The following COL4A2 variants were observed in gnomAD, a reference collection of about 807,000 sequenced individuals.
COL4A2 encodes the protein collagen alpha-2(IV) chain.
In COL4A2, 99 loss-of-function variants were observed where a neutral mutation model predicts 200.2. The ratio of observed to expected loss-of-function variants is 0.49; its 90% CI spans 0.42 to 0.58. The LOEUF is 0.58. COL4A2 is among the 20% of genes least tolerant of loss of function. The probability of loss-of-function intolerance (pLI) is 0.00; values close to 1 mark genes in which losing one functional copy is unlikely to be tolerated. For missense variants in COL4A2, 1,950 were observed against 2,314.1 expected (o/e 0.84, Z 3.23); for synonymous variants, 897 against 900.6 (o/e 1.00, Z 0.07).
At chr13:110,424,635 A>T in intron 4 of COL4A2, 99 bp from the exon 5 acceptor site, 1 of 749,048 alleles carries the variant, frequency 1.3e-6, no homozygotes, top group Non-Finnish European at 2.1e-6. Context: ...ATAGCTCTTT[A>T]AAAACAAAAA....
intron 4 of COL4A2, among the ~76,000 whole-genome samples, chr13:110,413,420 T>A (rs1879922226): frequency 6.6e-6 from 1 of 152,210 alleles, no homozygotes; most frequent in African/African-American, 2.4e-5. Context: ...CAGTGTGCCA[T>A]GGGGAAGAAG....
chr13:110,442,567 A>G (rs1193520598), intron 16 of COL4A2, among the ~76,000 whole-genome samples: 1 of 152,238 alleles, frequency 6.6e-6, no homozygotes, highest in Non-Finnish European at 1.5e-5. Flanking sequence ...GAACCAGAAA[A>G]GAAAAGATAT....
chr13:110,343,028 T>C (rs187886792), intron 3 of COL4A2, among the ~76,000 whole-genome samples: 3 of 152,320 alleles, frequency 2.0e-5, no homozygotes, highest in Admixed American at 2.0e-4. Flanking sequence ...TAAAAATGTG[T>C]GCATGCTAAT....
intron 4 of COL4A2, among the ~76,000 whole-genome samples, chr13:110,420,243 C>G (rs141518592): frequency 5.1e-4 from 77 of 152,370 alleles, no homozygotes; most frequent in African/African-American, 1.6e-3. Context: ...GTCCTCTCTC[C>G]TCTCCACTGG....
chr13:110,394,383 C>T (rs962515409), intron 4 of COL4A2, among the ~76,000 whole-genome samples: 1 of 152,152 alleles, frequency 6.6e-6, no homozygotes, highest in Non-Finnish European at 1.5e-5. Flanking sequence ...AGCATTTGAA[C>T]ATGGAGGATA....
chr13:110,356,584 C>T (rs1877276351), intron 3 of COL4A2, among the ~76,000 whole-genome samples: 1 of 152,186 alleles, frequency 6.6e-6, no homozygotes, highest in South Asian at 2.1e-4. Context: ...CCAGCATTTT[C>T]TCCAGGCACA....
chr13:110,447,831 AC>A lies in COL4A2; in HGVS notation c.1078+968del, dbSNP rs146181067. 2.0e-3 allele frequency among the ~76,000 whole-genome samples: 301 copies of A among 152,102 alleles called. 2 individuals carry two copies. The highest frequency in any genetic ancestry group is 7.0e-3 in the African/African-American group (290 of 41,514). On this transcript the variant is annotated intron_variant, in intron 18 of 47. Transcript: ENST00000360467. ...AGACGCTCTGGTGTTTACCTCTTGA[AC>A]TCAGCAGGTCACCTGGTCTCCCTGT...
At chr13:110,462,460 A>T in intron 24 of COL4A2, 76 bp downstream of exon 24, 1 of 1,468,128 alleles carries the variant, frequency 6.8e-7, no homozygotes, top group Non-Finnish European at 9.3e-7. Context: ...CCAGAAGCAA[A>T]CAGTATTGAC....
rs1038527318 is a variant in COL4A2, at chr13:110,508,602, A to G, written c.4881+381A>G. Among the ~76,000 whole-genome samples, 1 of 152,368 alleles carries G rather than the reference A, an allele frequency of 6.6e-6. No individual in the cohort carries two copies. Among genetic ancestry groups the G allele is most frequent in the Admixed American group, 6.5e-5 (1 of 15,302 alleles). On this transcript the variant is annotated intron_variant, in intron 47 of 47. Transcript: ENST00000360467. This position sits in a 1 kb window ranked among gnomAD's most constrained non-coding sequence, Gnocchi z 6.1. ...CTCTAGAATCCTGATCTTATTTAGAATCTATCTGGAACCTAGAATACCCTG... is the reference window on the plus strand; with the variant it reads ...CTCTAGAATCCTGATCTTATTTAGAGTCTATCTGGAACCTAGAATACCCTG...
At chr13:110,435,060 C>T (rs1178749564) in intron 12 of COL4A2, among the ~76,000 whole-genome samples, 3 of 152,226 alleles carry the variant, frequency 2.0e-5, no homozygotes, top group East Asian at 3.8e-4. Flanking sequence ...AGACCTGACC[C>T]TTGGCCTCAT....
intron 46 of COL4A2, 80 bp downstream of exon 46, chr13:110,506,686 C>T (rs1488640603): frequency 7.2e-7 from 1 of 1,381,318 alleles, no homozygotes; most frequent in Admixed American, 2.7e-5. Flanking sequence ...CACAGCGAGA[C>T]TCCCAAACCC....
chr13:110,457,504 T>A, intron 21 of COL4A2, 69 bp downstream of exon 21: 2 of 916,358 alleles, frequency 2.2e-6, no homozygotes, highest in Non-Finnish European at 3.6e-6. Context: ...TTACAGAAGG[T>A]GAAATCCATC....
intron 3 of COL4A2, among the ~76,000 whole-genome samples, chr13:110,311,630 C>A (rs572330461): frequency 6.6e-6 from 1 of 152,288 alleles, no homozygotes; most frequent in African/African-American, 2.4e-5. Flanking sequence ...GGAGGTATCC[C>A]CTGGGCCTGT....
intron 18 of COL4A2, among the ~76,000 whole-genome samples, chr13:110,448,254 C>T (rs1367878880): frequency 3.3e-5 from 5 of 152,152 alleles, no homozygotes; most frequent in Admixed American, 2.0e-4. Context: ...TTAATGCTGG[C>T]GATGTTTCTT....
intron 29 of COL4A2, among the ~76,000 whole-genome samples, chr13:110,473,801 G>A (rs1434620610): frequency 6.6e-6 from 1 of 152,202 alleles, no homozygotes; most frequent in Non-Finnish European, 1.5e-5. Context: ...GGGATTGCTA[G>A]ATCATTGCAA....
intron 4 of COL4A2, among the ~76,000 whole-genome samples, chr13:110,375,159 G>A (rs530857626): frequency 7.2e-5 from 11 of 152,282 alleles, no homozygotes; most frequent in African/African-American, 1.7e-4. Flanking sequence ...ATGGCTCACC[G>A]GGTAAGCATC....
At chr13:110,394,718 G>A (rs993707077) in intron 4 of COL4A2, among the ~76,000 whole-genome samples, 2 of 152,140 alleles carry the variant, frequency 1.3e-5, no homozygotes, top group African/African-American at 4.8e-5. Flanking sequence ...GGGCTCCTCC[G>A]CGGGTGGGCC....
Position 110,493,201 on chromosome 13 carries a change from A to T in COL4A2, c.3563-10A>T. The T allele has an allele frequency of 6.2e-7, 1 of 1,613,882 alleles. No individual in the cohort carries two copies. Among genetic ancestry groups the T allele is most frequent in the East Asian group, 2.2e-5 (1 of 44,860 alleles). ...GGTGAAATAAATAACGATGAGTGAC[A>T]CCCCCGCAGGTTTTCCGGGACTCCG... On this transcript the variant is annotated splice_polypyrimidine_tract_variant and intron_variant, in intron 38 of 47. Transcript: ENST00000360467.
At chr13:110,443,074 T>C (rs1320527670) in intron 16 of COL4A2, among the ~76,000 whole-genome samples, 3 of 152,214 alleles carry the variant, frequency 2.0e-5, no homozygotes, top group Admixed American at 6.5e-5. Flanking sequence ...TCCCTGTGGC[T>C]GTGTGTAGGT....
Sources: allele counts gnomAD v4.1 joint callset (sites outside exome capture counted in the v4.1 genomes callset), GRCh38; gene constraint gnomAD v4.1.1; non-coding constraint Gnocchi (gnomAD v3.1); transcripts MANE v1.5; gene names NCBI Gene and HGNC (gene_info 2026-07-23, HGNC 2026-07-21).